The following SNX29 variants were observed in gnomAD, a reference collection of about 807,000 sequenced individuals.
The protein encoded by SNX29 is sorting nexin 29.
In SNX29, 78 loss-of-function variants were observed where a neutral mutation model predicts 102.1. That is an observed-to-expected ratio of 0.76 (90% CI 0.64 to 0.92). The LOEUF is 0.92. SNX29 is among the 40% of genes least tolerant of loss of function. SNX29 has a pLI of 0.00. For missense variants in SNX29, 1,280 were observed against 1,061.7 expected, an observed-to-expected ratio of 1.21 and a Z score of -2.86; for synonymous variants, 580 against 414.5, an observed-to-expected ratio of 1.40 and a Z score of -4.85.
chr16:12,497,219 A>G (rs2088873941), intron 19 of SNX29, among the ~76,000 whole-genome samples: 1 of 152,244 alleles, frequency 6.6e-6, no homozygotes, highest in Non-Finnish European at 1.5e-5. Flanking sequence ...AAAGGCCCTG[A>G]AGTAAAAAAG....
At chr16:12,211,593 G>A (rs912530475) in intron 14 of SNX29, among the ~76,000 whole-genome samples, 2 of 152,022 alleles carry the variant, frequency 1.3e-5, no homozygotes, top group African/African-American at 4.8e-5. Flanking sequence ...TAGACAGATT[G>A]AGATTGATCG....
In SNX29 at chr16:12,481,513, GACACACACACACACACACAC is replaced by G. The variant is rs59650769; in HGVS notation, c.2178+3677_2178+3696del. 3.8e-4 allele frequency among the ~76,000 whole-genome samples: 48 copies of G among 125,666 alleles called. No individual in the cohort carries two copies. The East Asian group carries it at 4.6e-3, about 12-fold the overall frequency. The allele number at this position is 125,666 out of a possible 152,430, so 82.4% of individuals were successfully genotyped here. On this transcript the variant is annotated intron_variant, in intron 19 of 20. Coordinates refer to ENST00000566228, the MANE Select transcript of SNX29 (RefSeq NM_032167.5). ...ATACACATATGTACATATACATATA[GACACACACACACACACACAC>G]ACACACACACACACACACACACCCC...
chr16:12,293,348 T>C (rs2079865123), intron 15 of SNX29, among the ~76,000 whole-genome samples: 1 of 152,232 alleles, frequency 6.6e-6, no homozygotes, highest in Non-Finnish European at 1.5e-5. Context: ...AGTTGCATAG[T>C]CAGCAAGTGG....
At chr16:12,302,005 G>A (rs1346128655) in intron 15 of SNX29, among the ~76,000 whole-genome samples, 6 of 152,144 alleles carry the variant, frequency 3.9e-5, no homozygotes, top group African/African-American at 1.2e-4. Context: ...ACAAAAGAAA[G>A]ATAATTACTT....
chr16:12,422,930 T>C lies in SNX29; in HGVS notation c.2037+19401T>C, dbSNP rs145511033. Among the ~76,000 whole-genome samples the C allele has an allele frequency of 4.2e-3, 643 of 152,320 alleles. 4 individuals carry two copies. The highest frequency in any genetic ancestry group is 0.015 in the African/African-American group (613 of 41,558). On this transcript the variant is annotated intron_variant, in intron 18 of 20. Coordinates refer to ENST00000566228, the MANE Select transcript of SNX29 (RefSeq NM_032167.5). ...GTTGGACTGGAAATGCATTTCTGTA[T>C]CTGGAACAGGTAGGAAAGAAACATC...
At chr16:12,079,087 T>A (rs992569640) in intron 11 of SNX29, among the ~76,000 whole-genome samples, 172 bp downstream of exon 11, 1 of 152,216 alleles carries the variant, frequency 6.6e-6, no homozygotes, top group Non-Finnish European at 1.5e-5. Context: ...GAACCGTGGT[T>A]AATGCGTGGC....
chr16:12,002,446 CAAAA>C (rs547796469), intron 2 of SNX29, among the ~76,000 whole-genome samples: 1 of 88,442 alleles, frequency 1.1e-5, no homozygotes. Context: ...AACTCCATCT[CAAAA>C]AAAAAAAAAA....
At chr16:12,421,175 A>G (rs2084858178) in intron 18 of SNX29, among the ~76,000 whole-genome samples, 1 of 152,186 alleles carries the variant, frequency 6.6e-6, no homozygotes, top group South Asian at 2.1e-4. Flanking sequence ...TTCGAAACCC[A>G]AGGTGTTGAA....
intron 19 of SNX29, among the ~76,000 whole-genome samples, chr16:12,479,973 G>A (rs2087830215): frequency 6.6e-6 from 1 of 152,116 alleles, no homozygotes; most frequent in Non-Finnish European, 1.5e-5. Context: ...AGGGGTGCCT[G>A]GGAACTGCAG....
At chr16:12,134,589 G>A (rs761593024) in intron 13 of SNX29, among the ~76,000 whole-genome samples, 5 of 152,180 alleles carry the variant, frequency 3.3e-5, no homozygotes, top group South Asian at 2.1e-4. Flanking sequence ...AGAAGAGAGC[G>A]CACCCAAGAT....
intron 14 of SNX29, among the ~76,000 whole-genome samples, chr16:12,242,367 ATTT>A (rs869193950): frequency 4.4e-4 from 63 of 141,598 alleles, no homozygotes; most frequent in African/African-American, 1.2e-3. Flanking sequence ...ATATATATAT[ATTT>A]TTTTTTTTTT....
At chr16:12,538,897 A>G (rs1388506151) in intron 20 of SNX29, among the ~76,000 whole-genome samples, 2 of 144,410 alleles carry the variant, frequency 1.4e-5, no homozygotes, top group Non-Finnish European at 3.0e-5. Context: ...GCACAGATTA[A>G]TGACCTGTTC....
At chr16:12,356,516 T>G (rs369229868) in intron 16 of SNX29, among the ~76,000 whole-genome samples, 1 of 152,356 alleles carries the variant, frequency 6.6e-6, no homozygotes, top group African/African-American at 2.4e-5. Flanking sequence ...ATAGTTAAAA[T>G]TGGCATATAG....
At chr16:12,547,231 G>C (rs1372303781) in intron 20 of SNX29, among the ~76,000 whole-genome samples, 1 of 152,240 alleles carries the variant, frequency 6.6e-6, no homozygotes, top group East Asian at 1.9e-4. Flanking sequence ...CAGGGAGCCA[G>C]GCAGTGGACA....
chr16:12,478,522 C>A (rs1338203388), intron 19 of SNX29, among the ~76,000 whole-genome samples: 1 of 152,182 alleles, frequency 6.6e-6, no homozygotes, highest in Non-Finnish European at 1.5e-5. Context: ...TCTGCAAGCT[C>A]ATTGGTTGAT....
intron 20 of SNX29, among the ~76,000 whole-genome samples, chr16:12,564,010 C>T (rs966361132): frequency 1.3e-5 from 2 of 152,156 alleles, no homozygotes; most frequent in Admixed American, 6.5e-5. Context: ...CCTCTTCCCC[C>T]AGGGTAGGGA....
chr16:12,523,800 G>A (rs2090190806), intron 19 of SNX29, among the ~76,000 whole-genome samples: 1 of 152,324 alleles, frequency 6.6e-6, no homozygotes, highest in South Asian at 2.1e-4. Context: ...CAGACCTGGG[G>A]ACCTGTGCCT....
chr16:12,569,615 A>C lies in SNX29; in HGVS notation c.*986A>C, dbSNP rs956108244. On this transcript the variant is annotated 3_prime_UTR_variant, in exon 21 of 21. Coordinates refer to ENST00000566228, the MANE Select transcript of SNX29 (RefSeq NM_032167.5). ...GTCTGCCCCCGACATTGTCCTTGAT[A>C]ACAGAACTCTGCATCCCCTAAGACA... The C allele has an allele frequency of 4.7e-6, 1 of 213,820 alleles. No individual in the cohort carries two copies. Among genetic ancestry groups the C allele is most frequent in the Admixed American group, 6.3e-5 (1 of 15,806 alleles). 13.2% of individuals were successfully genotyped at this position (213,820 alleles called of 1,614,324 possible).
At chr16:12,519,389 T>G (rs1361411988) in intron 19 of SNX29, among the ~76,000 whole-genome samples, 1 of 152,172 alleles carries the variant, frequency 6.6e-6, no homozygotes, top group Non-Finnish European at 1.5e-5. Context: ...CTTTTAAAAT[T>G]CCAGAAGCAG....
Sources: gnomAD v4.1 joint callset for allele counts (sites outside exome capture counted in the v4.1 genomes callset) on GRCh38, gnomAD v4.1.1 for gene constraint, MANE v1.5 for transcripts, NCBI Gene and HGNC (gene_info 2026-07-23, HGNC 2026-07-21) for gene names.